Variants in BRD10 observed in about 807,000 individuals in gnomAD.
The protein encoded by BRD10 is uncharacterized bromodomain-containing protein 10.
the BRD10 span, among the ~76,000 whole-genome samples, chr9:5,934,110 T>C: frequency 6.7e-6 from 1 of 149,998 alleles, no homozygotes; most frequent in African/African-American, 2.5e-5. Flanking sequence ...CATATAAAAA[T>C]ATACAAAGAA....
chr9:5,990,790 T>C, the BRD10 span, among the ~76,000 whole-genome samples: 1 of 152,208 alleles, frequency 6.6e-6, no homozygotes, highest in Non-Finnish European at 1.5e-5. Flanking sequence ...TTAGTAGAAG[T>C]GTAAACTGGC....
the BRD10 span, among the ~76,000 whole-genome samples, chr9:5,960,148 T>C: frequency 6.6e-6 from 1 of 152,212 alleles, no homozygotes; most frequent in Non-Finnish European, 1.5e-5. Flanking sequence ...TTAACTATTA[T>C]TCACTTGAGG....
the BRD10 span, among the ~76,000 whole-genome samples, chr9:5,897,034 G>A: frequency 6.6e-6 from 1 of 152,320 alleles, no homozygotes; most frequent in African/African-American, 2.4e-5. Context: ...TGTATCCTCT[G>A]CCTTTTATTT....
chr9:5,919,565 C>CACACAG, the BRD10 span: 8 of 795,712 alleles, frequency 1.0e-5, no homozygotes, highest in Non-Finnish European at 1.6e-5. Context: ...CACACACACA[C>CACACAG]ACACACACAC....
At chr9:5,985,186 G>C in the BRD10 span, among the ~76,000 whole-genome samples, 1 of 152,212 alleles carries the variant, frequency 6.6e-6, no homozygotes, top group Non-Finnish European at 1.5e-5. Flanking sequence ...AAATGATACT[G>C]AAGGAACTGG....
the BRD10 span, among the ~76,000 whole-genome samples, chr9:5,998,084 C>CG: frequency 6.6e-6 from 1 of 152,012 alleles, no homozygotes. Flanking sequence ...GGTCAAATCT[C>CG]TAAGACTAAA....
the BRD10 span, among the ~76,000 whole-genome samples, chr9:5,888,452 T>C: frequency 6.6e-6 from 1 of 152,250 alleles, no homozygotes; most frequent in East Asian, 1.9e-4. Context: ...TTGTTCTTTG[T>C]TGTATGTTTA....
At chr9:5,995,502 G>A in the BRD10 span, among the ~76,000 whole-genome samples, 2 of 152,182 alleles carry the variant, frequency 1.3e-5, no homozygotes, top group African/African-American at 4.8e-5. Context: ...ATATAAACAA[G>A]TCCAAGTTTC....
At chr9:5,930,369 T>TTTTATATA in the BRD10 span, among the ~76,000 whole-genome samples, 86 of 135,532 alleles carry the variant, frequency 6.3e-4, 1 homozygote, top group South Asian at 4.9e-3. Flanking sequence ...TATAAGGAGA[T>TTTTATATA]TATATATATA....
At chr9:5,986,763 C>T in the BRD10 span, among the ~76,000 whole-genome samples, 4 of 152,168 alleles carry the variant, frequency 2.6e-5, no homozygotes, top group Non-Finnish European at 5.9e-5. Flanking sequence ...CCTCCCATGG[C>T]TTATTCTCCC....
At chr9:5,948,903 T>C in the BRD10 span, among the ~76,000 whole-genome samples, 1 of 152,158 alleles carries the variant, frequency 6.6e-6, no homozygotes, top group South Asian at 2.1e-4. Flanking sequence ...GATGGGAAAA[T>C]TTCTTTTTAT....
At chr9:5,929,294 G>T in the BRD10 span, 2 of 503,252 alleles carry the variant, frequency 4.0e-6, no homozygotes, top group South Asian at 3.8e-5. Flanking sequence ...GCAGAAAGGG[G>T]GAAAATATCC....
chr9:5,993,005 T>C, the BRD10 span, among the ~76,000 whole-genome samples: 3 of 152,046 alleles, frequency 2.0e-5, no homozygotes, highest in Non-Finnish European at 2.9e-5. Context: ...CTCATGGTTA[T>C]CTAATCTGTT....
chr9:5,899,738 G>A, the BRD10 span, among the ~76,000 whole-genome samples: 3 of 152,082 alleles, frequency 2.0e-5, no homozygotes, highest in East Asian at 1.9e-4. Context: ...CGACCCCTCC[G>A]CTTTCCCCTA....
At chr9:5,906,886 A>G in the BRD10 span, 3 of 1,569,882 alleles carry the variant, frequency 1.9e-6, no homozygotes, top group Middle Eastern at 1.7e-4. Flanking sequence ...ACATTTCAGG[A>G]TAAAAGTCTT....
chr9:5,896,044 G>C, the BRD10 span, among the ~76,000 whole-genome samples: 1 of 152,220 alleles, frequency 6.6e-6, no homozygotes, highest in Non-Finnish European at 1.5e-5. Flanking sequence ...TCAGGAAAGA[G>C]TGACTCTGCA....
chr9:5,904,802 C>T, the BRD10 span, among the ~76,000 whole-genome samples: 1 of 147,848 alleles, frequency 6.8e-6, no homozygotes, highest in Non-Finnish European at 1.5e-5. Flanking sequence ...GAGACGGAGT[C>T]TCACTCCGTT....
At chr9:5,927,668 T>A in the BRD10 span, among the ~76,000 whole-genome samples, 2 of 152,174 alleles carry the variant, frequency 1.3e-5, no homozygotes, top group African/African-American at 4.8e-5. Flanking sequence ...CCTCAACCCA[T>A]CATGAGCAGC....
At chr9:5,965,553 T>C in the BRD10 span, among the ~76,000 whole-genome samples, 9 of 152,338 alleles carry the variant, frequency 5.9e-5, no homozygotes, top group East Asian at 7.7e-4. Flanking sequence ...ATTATATGTT[T>C]GATTACAGGA....
Sources: gnomAD v4.1 joint callset for allele counts (sites outside exome capture counted in the v4.1 genomes callset) on GRCh38, gnomAD v4.1.1 for gene constraint, MANE v1.5 for transcripts, NCBI Gene and HGNC (gene_info 2026-07-23, HGNC 2026-07-21) for gene names.